PCDHGA2: variants seen among roughly 807,000 people sequenced by gnomAD.
The protein encoded by PCDHGA2 is protocadherin gamma-A2.
PCDHGA2 carries 40 observed loss-of-function variants against 59.2 expected under a neutral mutation model. The observed-to-expected ratio is 0.68, with a 90% CI of 0.52 to 0.88. PCDHGA2 has a LOEUF of 0.88. PCDHGA2 is among the 40% of genes least tolerant of loss of function. The probability of loss-of-function intolerance (pLI) is 0.00; values close to 1 mark genes in which losing one functional copy is unlikely to be tolerated. For missense variants in PCDHGA2, 1,226 were observed against 1,204.0 expected (o/e 1.02, Z -0.27); for synonymous variants, 560 against 526.0 (o/e 1.06, Z -0.89).
At chr5:141,403,559 G>C (rs1281537625) in intron 1 of PCDHGA2, 1 of 1,613,974 alleles carries the variant, frequency 6.2e-7, no homozygotes. Flanking sequence ...CCTGGACAGG[G>C]AGGAGGCAAC....
intron 1 of PCDHGA2, among the ~76,000 whole-genome samples, chr5:141,401,851 T>C (rs902809229): frequency 3.9e-5 from 6 of 152,242 alleles, no homozygotes; most frequent in African/African-American, 1.4e-4. Context: ...CACTTACTTT[T>C]AACCTTTCAG....
intron 1 of PCDHGA2, among the ~76,000 whole-genome samples, chr5:141,468,798 G>A (rs895012127): frequency 7.9e-5 from 12 of 151,646 alleles, no homozygotes; most frequent in East Asian, 2.0e-4. Context: ...CCCGGGAGGC[G>A]GAACTTGCAG....
intron 1 of PCDHGA2, chr5:141,433,338 T>G (rs2097583623): frequency 3.1e-6 from 2 of 651,932 alleles, no homozygotes; most frequent in South Asian, 4.0e-5. Context: ...GGACTACAGG[T>G]GCAAGCCACC....
chr5:141,375,369 C>A lies in PCDHGA2; in HGVS notation c.2424+33974C>A. On this transcript the variant is annotated intron_variant, in intron 1 of 3. Coordinates refer to ENST00000394576, the MANE Select transcript of PCDHGA2 (RefSeq NM_018915.4). ...ACTGTGACAGCCACGGACAAAGGAA[C>A]ACCACCTCTGTCTACAGAAACAATC... 1 of 1,613,892 alleles carries A rather than the reference C, an allele frequency of 6.2e-7. No individual in the cohort carries two copies. Among genetic ancestry groups the A allele is most frequent in the South Asian group, 1.1e-5 (1 of 91,084 alleles).
Position 141,384,271 on chromosome 5 carries a change from T to G in PCDHGA2, c.2424+42876T>G, listed in dbSNP as rs763450732. On this transcript the variant is annotated intron_variant, in intron 1 of 3. Coordinates refer to ENST00000394576, the MANE Select transcript of PCDHGA2 (RefSeq NM_018915.4). ...ACCCACCTTCCCCCACTCATCCTAC[T>G]CAGTCTACATCGCTGAGAACAACCC... is the stretch of plus-strand genomic sequence containing the variant. The G allele has an allele frequency of 4.0e-5, 65 of 1,613,734 alleles. No individual in the cohort carries two copies. The Admixed American group carries it at 5.7e-4, about 14-fold the overall frequency.
intron 1 of PCDHGA2, chr5:141,408,109 C>T (rs1011504923): frequency 3.5e-6 from 5 of 1,445,662 alleles, no homozygotes; most frequent in Non-Finnish European, 4.6e-6. Flanking sequence ...AGACCCGGGA[C>T]TCCTCCTGTC....
At chr5:141,427,599 C>G (rs1233253295) in intron 1 of PCDHGA2, 1 of 682,980 alleles carries the variant, frequency 1.5e-6, no homozygotes, top group African/African-American at 1.8e-5. Flanking sequence ...CCTCACCCTA[C>G]GCATTGGTGA....
intron 1 of PCDHGA2, chr5:141,423,421 G>A (rs772863950): frequency 1.2e-6 from 2 of 1,614,080 alleles, no homozygotes; most frequent in Non-Finnish European, 1.7e-6. Flanking sequence ...TTCTGAAGGC[G>A]GGTTGGCAGG....
chr5:141,402,918 A>C (rs766546022), intron 1 of PCDHGA2: 55 of 1,569,938 alleles, frequency 3.5e-5, no homozygotes, highest in Non-Finnish European at 4.7e-5. Flanking sequence ...GCGCGCACAG[A>C]GATCCTTTTG....
At chr5:141,472,453 T>C (rs2099281194) in intron 1 of PCDHGA2, among the ~76,000 whole-genome samples, 1 of 151,726 alleles carries the variant, frequency 6.6e-6, no homozygotes, top group African/African-American at 2.4e-5. Flanking sequence ...GGCAGGAGAA[T>C]CGCTTGAACC....
chr5:141,492,398 C>T (rs1347317333), intron 1 of PCDHGA2, among the ~76,000 whole-genome samples: 2 of 152,244 alleles, frequency 1.3e-5, no homozygotes, highest in Non-Finnish European at 1.5e-5. Flanking sequence ...CCACTCGCAG[C>T]TCCCCTCTGC....
intron 3 of PCDHGA2, among the ~76,000 whole-genome samples, chr5:141,507,809 C>T (rs866898784): frequency 2.0e-5 from 3 of 152,206 alleles, no homozygotes; most frequent in Non-Finnish European, 2.9e-5. Flanking sequence ...CCCTGGGGAA[C>T]GGACCCTGGG....
intron 3 of PCDHGA2, 118 bp downstream of exon 3, chr5:141,505,599 G>A (rs936757644): frequency 1.5e-5 from 23 of 1,555,468 alleles, no homozygotes; most frequent in South Asian, 2.4e-5. Flanking sequence ...CAGATCTTTC[G>A]GCAGGTCTGA....
intron 1 of PCDHGA2, among the ~76,000 whole-genome samples, chr5:141,445,620 C>T (rs561235315): frequency 2.0e-5 from 3 of 151,966 alleles, no homozygotes; most frequent in African/African-American, 4.8e-5. Context: ...TTCTTTTTTT[C>T]GGAAAGTGAT....
At chr5:141,414,497 A>C (rs757597548) in intron 1 of PCDHGA2, 4 of 1,613,922 alleles carry the variant, frequency 2.5e-6, no homozygotes, top group Non-Finnish European at 3.4e-6. Context: ...ACGGAAGCTC[A>C]CTTTATGCTA....
At chr5:141,393,056 C>G in intron 1 of PCDHGA2, 2 of 1,613,606 alleles carry the variant, frequency 1.2e-6, no homozygotes, top group South Asian at 1.1e-5. Context: ...ACCCGCGCAG[C>G]GGCAGCTTGA....
chr5:141,362,661 A>C (rs533318965), intron 1 of PCDHGA2: 2 of 1,346,780 alleles, frequency 1.5e-6, no homozygotes, highest in Admixed American at 2.7e-5. Context: ...GATTTGGCCA[A>C]TGTTGTGCCT....
At chr5:141,415,056 G>C in intron 1 of PCDHGA2, 2 of 1,613,416 alleles carry the variant, frequency 1.2e-6, no homozygotes, top group Non-Finnish European at 1.7e-6. Flanking sequence ...GGGAGCACAC[G>C]GGCGAGGTGC....
In PCDHGA2 at chr5:141,485,354, G is replaced by C; in HGVS notation, c.2425-9453G>C. 7 of 1,614,176 alleles carry C rather than the reference G, an allele frequency of 4.3e-6. No homozygotes were observed. Among genetic ancestry groups the C allele is most frequent in the Non-Finnish European group, 5.1e-6 (6 of 1,180,024 alleles). Reference sequence around the variant, plus strand: ...CCTGCTGGATACGGACAGTCTGTCAGCTCGCAGGCTGCAGGTCGCTGGAGA... The same window carrying C: ...CCTGCTGGATACGGACAGTCTGTCACCTCGCAGGCTGCAGGTCGCTGGAGA... On this transcript the variant is annotated intron_variant, in intron 1 of 3. Transcript: ENST00000394576. This position sits in a 1 kb window ranked among gnomAD's most constrained non-coding sequence, Gnocchi z 5.7.
Sources: allele counts gnomAD v4.1 joint callset (sites outside exome capture counted in the v4.1 genomes callset), GRCh38; gene constraint gnomAD v4.1.1; non-coding constraint Gnocchi (gnomAD v3.1); transcripts MANE v1.5; gene names NCBI Gene and HGNC (gene_info 2026-07-23, HGNC 2026-07-21).